Variants in TBX15 observed in about 807,000 individuals in gnomAD.
TBX15 encodes T-box transcription factor TBX15.
Under a neutral mutation model 53.9 loss-of-function variants are expected in TBX15, and 18 were observed. That is an observed-to-expected ratio of 0.33 (90% confidence interval 0.23 to 0.49). The LOEUF is 0.49. Ranked by LOEUF, TBX15 falls within the 20% of genes least tolerant of loss-of-function variation. The pLI, the probability that TBX15 is intolerant of heterozygous loss-of-function variation, is 0.98. For missense variants in TBX15, 692 were observed against 749.5 expected (o/e 0.92, Z 0.90); for synonymous variants, 295 against 278.0 (o/e 1.06, Z -0.61).
chr1:118,978,730 A>G (rs904576611), intron 1 of TBX15, among the ~76,000 whole-genome samples: 4 of 152,208 alleles, frequency 2.6e-5, no homozygotes, highest in Non-Finnish European at 4.4e-5. Context: ...AAAGTTTCTG[A>G]TATATTTTAC....
intron 6 of TBX15, among the ~76,000 whole-genome samples, chr1:118,910,551 C>A (rs1331743862): frequency 6.6e-6 from 1 of 152,154 alleles, no homozygotes; most frequent in Non-Finnish European, 1.5e-5. Flanking sequence ...GTATCCTCAT[C>A]TATCAATATT....
intron 3 of TBX15, among the ~76,000 whole-genome samples, chr1:118,926,290 G>A (rs1367820668): frequency 6.6e-6 from 1 of 152,136 alleles, no homozygotes; most frequent in Non-Finnish European, 1.5e-5. Flanking sequence ...TACCTTAGGA[G>A]ACACTATACA....
intron 6 of TBX15, among the ~76,000 whole-genome samples, chr1:118,907,129 T>A (rs549668542): frequency 2.0e-5 from 3 of 152,168 alleles, no homozygotes; most frequent in Non-Finnish European, 4.4e-5. Flanking sequence ...TTGGGCCCTA[T>A]CATGGGACCA....
At chr1:118,933,304 C>T (rs1423872834) in intron 1 of TBX15, among the ~76,000 whole-genome samples, 1 of 152,074 alleles carries the variant, frequency 6.6e-6, no homozygotes, top group Non-Finnish European at 1.5e-5. Context: ...TCCCTAATTC[C>T]TCACCTGTCA....
At chr1:118,945,246 T>C (rs1656311002) in intron 1 of TBX15, among the ~76,000 whole-genome samples, 1 of 152,208 alleles carries the variant, frequency 6.6e-6, no homozygotes, top group Non-Finnish European at 1.5e-5. Context: ...GGACAGTGTA[T>C]AAGAATTCAT....
At chr1:118,899,172 A>G (rs774877813) in intron 6 of TBX15, 47 bp from the exon 7 acceptor site, 15 of 1,551,820 alleles carry the variant, frequency 9.7e-6, no homozygotes, top group Non-Finnish European at 1.3e-5. Flanking sequence ...AATTTCAAGA[A>G]ATGCATTGAC....
intron 7 of TBX15, among the ~76,000 whole-genome samples, chr1:118,895,730 T>C (rs937886226): frequency 7.9e-5 from 12 of 151,940 alleles, no homozygotes; most frequent in Non-Finnish European, 1.5e-4. Context: ...TGAAGACATC[T>C]GAAGACCATA....
intron 1 of TBX15, among the ~76,000 whole-genome samples, chr1:118,961,867 A>G (rs910690694): frequency 6.6e-6 from 1 of 152,204 alleles, no homozygotes; most frequent in African/African-American, 2.4e-5. Context: ...GTGCTGAGAT[A>G]AGACCCTCTC....
At chr1:118,969,874 T>A (rs989841063) in intron 1 of TBX15, among the ~76,000 whole-genome samples, 2 of 152,258 alleles carry the variant, frequency 1.3e-5, no homozygotes, top group Non-Finnish European at 2.9e-5. Context: ...TGGCCTTTGA[T>A]ATACTTTGGC....
intron 1 of TBX15, among the ~76,000 whole-genome samples, chr1:118,961,849 C>T (rs968561092): frequency 2.0e-5 from 3 of 152,278 alleles, no homozygotes; most frequent in Middle Eastern, 3.4e-3. Context: ...AAGGTATGTA[C>T]AGTCCAAGTG....
chr1:118,911,928 A>G (rs1420988126), intron 6 of TBX15, among the ~76,000 whole-genome samples: 2 of 152,114 alleles, frequency 1.3e-5, no homozygotes, highest in Non-Finnish European at 2.9e-5. Context: ...CTACCTCTTA[A>G]TCTGATTTAT....
intron 1 of TBX15, among the ~76,000 whole-genome samples, chr1:118,951,936 T>A (rs1656529154): frequency 6.6e-6 from 1 of 152,328 alleles, no homozygotes; most frequent in African/African-American, 2.4e-5. Context: ...CTGGCAGGAA[T>A]GTAGGGCTGC....
intron 1 of TBX15, among the ~76,000 whole-genome samples, chr1:118,954,717 C>A (rs146192443): frequency 3.9e-4 from 59 of 152,320 alleles, no homozygotes; most frequent in Non-Finnish European, 7.1e-4. Context: ...GCCTGCCAGC[C>A]AATCTCAAAG....
At chr1:118,906,721 C>T (rs1348354819) in intron 6 of TBX15, among the ~76,000 whole-genome samples, 7 of 152,158 alleles carry the variant, frequency 4.6e-5, no homozygotes, top group Non-Finnish European at 1.0e-4. Flanking sequence ...TATCCATTCC[C>T]GTAATGCAGT....
chr1:118,934,156 G>A (rs116366169), intron 1 of TBX15, among the ~76,000 whole-genome samples: 1,938 of 152,178 alleles, frequency 0.013, 37 homozygotes, highest in African/African-American at 0.042. Context: ...AATAACCTTA[G>A]ACAAGCCATT....
intron 1 of TBX15, among the ~76,000 whole-genome samples, chr1:118,955,244 AT>A (rs1656645104): frequency 7.6e-6 from 1 of 131,070 alleles, no homozygotes; most frequent in African/African-American, 2.6e-5. Context: ...GAACAATGTG[AT>A]TAAAAAAAAA....
chr1:118,929,904 CA>C (rs1440526435), intron 2 of TBX15, among the ~76,000 whole-genome samples: 5 of 152,056 alleles, frequency 3.3e-5, no homozygotes, highest in African/African-American at 9.7e-5. Flanking sequence ...ACTCTTCTAC[CA>C]AAAACTTTAA....
chr1:118,888,180 G>T (rs927297884), intron 7 of TBX15, among the ~76,000 whole-genome samples: 1 of 152,096 alleles, frequency 6.6e-6, no homozygotes, highest in African/African-American at 2.4e-5. Context: ...AAAGAGCCCT[G>T]AGCCTGATTC....
rs147571699 is a variant in TBX15 at position 118,894,994 on chromosome 1, C to A, written c.1024+4034G>T. 5.9e-5 allele frequency among the ~76,000 whole-genome samples: 9 copies of A among 152,240 alleles called. No homozygotes were observed. The East Asian group carries it at 1.2e-3, about 20-fold the overall frequency. On this transcript the variant is annotated intron_variant, in intron 7 of 7. Transcript: ENST00000369429. ...TCCTCACCTCAGTGATAAATGAGAT[C>A]TGTATAAATCAGCTATGTTTTTATC... is the stretch of plus-strand genomic sequence containing the variant.
Sources: allele counts gnomAD v4.1 joint callset (sites outside exome capture counted in the v4.1 genomes callset), GRCh38; gene constraint gnomAD v4.1.1; transcripts MANE v1.5; gene names NCBI Gene and HGNC (gene_info 2026-07-23, HGNC 2026-07-21).